Variants in RIOK3 observed in about 807,000 individuals in gnomAD.
RIOK3 encodes serine/threonine-protein kinase RIO3.
Under a neutral mutation model 63.5 loss-of-function variants are expected in RIOK3, and 40 were observed. The ratio of observed to expected loss-of-function variants is 0.63; its 90% CI spans 0.49 to 0.82. The LOEUF is 0.82. RIOK3 is among the 40% of genes least tolerant of loss of function. The pLI, the probability that RIOK3 is intolerant of heterozygous loss-of-function variation, is 0.00. For synonymous variants in RIOK3, 193 were observed against 205.0 expected (o/e 0.94, Z 0.50); for missense variants, 557 against 637.0 (o/e 0.87, Z 1.35).
intron 6 of RIOK3, among the ~76,000 whole-genome samples, 193 bp from the exon 7 acceptor site, chr18:23,467,206 C>G (rs746020275): frequency 6.6e-6 from 1 of 151,786 alleles, no homozygotes; most frequent in African/African-American, 2.4e-5. Context: ...CCCAGCTACT[C>G]GGGAGGCTGA....
chr18:23,481,369 C>T lies in RIOK3; in HGVS notation c.*90C>T, dbSNP rs1051643451. ...TTATGGGTGACTTGAAATACCAAAA[C>T]CTGAGGAGTGGGCAATGGTGCTTCT... On this transcript the variant is annotated 3_prime_UTR_variant, in exon 13 of 13. Transcript: ENST00000339486. 7 of 774,394 alleles carry T rather than the reference C, an allele frequency of 9.0e-6. No individual in the cohort carries two copies. Among genetic ancestry groups the T allele is most frequent in the African/African-American group, 1.8e-5 (1 of 55,630 alleles). 48.0% of individuals were successfully genotyped at this position (774,394 alleles called of 1,614,324 possible).
intron 7 of RIOK3, among the ~76,000 whole-genome samples, chr18:23,469,713 C>G (rs972188815): frequency 5.9e-5 from 9 of 151,846 alleles, no homozygotes; most frequent in African/African-American, 1.9e-4. Flanking sequence ...GTCTCAAATT[C>G]CTGACCTTGT....
rs1416824082 is a variant in RIOK3, at chr18:23,481,417, A to G, written c.*138A>G. 1 of 548,744 alleles carries G rather than the reference A, an allele frequency of 1.8e-6. No individual in the cohort carries two copies. Among genetic ancestry groups the G allele is most frequent in the African/African-American group, 2.0e-5 (1 of 51,060 alleles). 34.0% of individuals were successfully genotyped at this position (548,744 alleles called of 1,614,324 possible). On this transcript the variant is annotated 3_prime_UTR_variant, in exon 13 of 13. Transcript: ENST00000339486. ...TCTGTGCTTTTCCCCCTTGTAACCCATGTGCCAGATGTGTGGAATTTTTAG... is the reference window on the plus strand; with the variant it reads ...TCTGTGCTTTTCCCCCTTGTAACCCGTGTGCCAGATGTGTGGAATTTTTAG...
intron 8 of RIOK3, among the ~76,000 whole-genome samples, 162 bp from the exon 9 acceptor site, chr18:23,474,786 C>T (rs58977416): frequency 6.6e-6 from 1 of 152,294 alleles, no homozygotes; most frequent in East Asian, 1.9e-4. Flanking sequence ...TCCCTGAGCT[C>T]TCTATGGGCA....
At chr18:23,473,917 TA>T (rs968013023) in intron 8 of RIOK3, among the ~76,000 whole-genome samples, 2 of 152,152 alleles carry the variant, frequency 1.3e-5, no homozygotes, top group Non-Finnish European at 2.9e-5. Flanking sequence ...AGGCTTAGCA[TA>T]AAAAAATGGT....
intron 1 of RIOK3, 126 bp downstream of exon 1, chr18:23,453,628 A>T: frequency 1.2e-6 from 1 of 816,954 alleles, no homozygotes; most frequent in African/African-American, 1.7e-5. Context: ...GGACCTCGGC[A>T]AGGGGGCACT....
Position 23,466,241 on chromosome 18 carries a change from G to A in RIOK3, c.652G>A (p.Ala218Thr). 1 of 1,611,256 alleles carries A rather than the reference G, an allele frequency of 6.2e-7. No individual in the cohort carries two copies. Among genetic ancestry groups the A allele is most frequent in the Non-Finnish European group, 8.5e-7 (1 of 1,178,888 alleles). The change falls in exon 6 of 13, where the codon GCC (alanine) becomes ACC (threonine). Residue 218 changes from alanine (A) to threonine (T), a missense_variant. Transcript: ENST00000339486. Reference sequence around the variant, plus strand: ...TGCCTACTCAGAAGAACGTCGAAGTGCCCGCCTACATGAGAAAAAGGAGCA... The same window carrying A: ...TGCCTACTCAGAAGAACGTCGAAGTACCCGCCTACATGAGAAAAAGGAGCA... Reference protein sequence around the residue: ...QHAYSEERRSARLHEKKEHST... With the variant: ...QHAYSEERRSTRLHEKKEHST...
intron 1 of RIOK3, among the ~76,000 whole-genome samples, chr18:23,458,163 C>A (rs1313958554): frequency 6.6e-6 from 1 of 151,810 alleles, no homozygotes; most frequent in Non-Finnish European, 1.5e-5. Flanking sequence ...CCTCAGCCTC[C>A]CAAAGTGCTA....
rs777785716 is a variant in RIOK3, at chr18:23,466,302, T to C, written c.687+26T>C. 55 of 1,478,906 alleles carry C rather than the reference T, an allele frequency of 3.7e-5. No individual in the cohort carries two copies. The Middle Eastern group carries it at 1.6e-3, about 44-fold the overall frequency. The allele number at this position is 1,478,906 out of a possible 1,614,324, so 91.6% of individuals were successfully genotyped here. A position where few individuals can be genotyped will look rare whatever the true frequency, so the allele number is the denominator to read the frequency against. ...GTAAGGATTTATAGATTTTTTTTTT[T>C]CTTTTTTACTAGAAAGATTCATATT... On this transcript the variant is annotated intron_variant, in intron 6 of 12. Transcript: ENST00000339486.
chr18:23,481,363 C>A lies in RIOK3; in HGVS notation c.*84C>A. On this transcript the variant is annotated 3_prime_UTR_variant, in exon 13 of 13. Coordinates refer to ENST00000339486, the MANE Select transcript of RIOK3 (RefSeq NM_003831.5). ...ATGAAGTTATGGGTGACTTGAAATA[C>A]CAAAACCTGAGGAGTGGGCAATGGT... 1 of 835,486 alleles carries A rather than the reference C, an allele frequency of 1.2e-6. No individual in the cohort carries two copies. Among genetic ancestry groups the A allele is most frequent in the Non-Finnish European group, 1.9e-6 (1 of 535,146 alleles). 51.8% of individuals were successfully genotyped at this position (835,486 alleles called of 1,614,324 possible).
rs141264189 is a variant in RIOK3, at chr18:23,477,245, C to T, written c.1321C>T (p.Arg441Trp). The T allele has an allele frequency of 1.8e-4, 288 of 1,613,828 alleles. No individual in the cohort carries two copies. The highest frequency in any genetic ancestry group is 2.3e-4 in the Non-Finnish European group (275 of 1,179,914). ...THPHGLEFLFRDCRNVSQFFQ... is the reference protein window; with the variant it reads ...THPHGLEFLFWDCRNVSQFFQ... ...CCCTCACGGCCTGGAGTTCTTGTTC[C>T]GGGACTGCAGGAATGTCTCGCAGGT... Residue 441 changes from arginine to tryptophan, a missense_variant, in exon 11 of 13, where the codon CGG becomes TGG. By Grantham distance (101) the Arg-to-Trp change is moderately radical (BLOSUM62 -3). Around this residue, in one of 3 missense-constraint regions of RIOK3, gnomAD observed 309 missense variants for 338.7 expected, o/e 0.91. Coordinates refer to ENST00000339486, the MANE Select transcript of RIOK3 (RefSeq NM_003831.5).
intron 11 of RIOK3, among the ~76,000 whole-genome samples, chr18:23,478,780 G>A (rs1175251447): frequency 6.6e-6 from 1 of 151,952 alleles, no homozygotes; most frequent in African/African-American, 2.4e-5. Context: ...CTTCATATTG[G>A]AAATAACCTC....
chr18:23,464,080 G>A lies in RIOK3; in HGVS notation c.293G>A (p.Arg98His), dbSNP rs199843431. 9.3e-6 allele frequency: 15 copies of A among 1,611,976 alleles called. No homozygotes were observed. In the African/African-American group the frequency reaches 1.1e-4, roughly 11 times the overall value. The change falls in exon 3 of 13, where the codon CGT (arginine) becomes CAT (histidine). Residue 98 changes from arginine to histidine, a missense_variant. Physicochemically the swap from Arg to His is conservative, Grantham distance 29. Coordinates refer to ENST00000339486, the MANE Select transcript of RIOK3 (RefSeq NM_003831.5). ...AGAGAATATGATGCACAGCTTAGGC[G>A]TGAAGAAAAAAAATTCAATGGAGAT... Reference protein sequence around the residue: ...YDREYDAQLRREEKKFNGDSK... With the variant: ...YDREYDAQLRHEEKKFNGDSK...
At chr18:23,464,352 G>C (rs774388363) in intron 4 of RIOK3, 39 bp downstream of exon 4, 1 of 1,393,090 alleles carries the variant, frequency 7.2e-7, no homozygotes, top group East Asian at 2.3e-5. Context: ...GCAGAATAGA[G>C]GTATAGGAAG....
At chr18:23,474,238 C>T (rs1291669921) in intron 8 of RIOK3, among the ~76,000 whole-genome samples, 1 of 151,822 alleles carries the variant, frequency 6.6e-6, no homozygotes, top group Non-Finnish European at 1.5e-5. Flanking sequence ...TGAGAGTTCC[C>T]CACCAAAATA....
intron 1 of RIOK3, among the ~76,000 whole-genome samples, chr18:23,459,480 T>G (rs753604954): frequency 3.3e-5 from 5 of 152,216 alleles, no homozygotes; most frequent in Non-Finnish European, 5.9e-5. Flanking sequence ...GCATGAACCC[T>G]AATACAGTGA....
At chr18:23,476,142 A>T (rs769620026) in intron 9 of RIOK3, among the ~76,000 whole-genome samples, 2 of 152,062 alleles carry the variant, frequency 1.3e-5, no homozygotes, top group Non-Finnish European at 2.9e-5. Flanking sequence ...GTCTCATCAT[A>T]AGAGAGTGAT....
rs140271614 is a variant in RIOK3, at chr18:23,469,770, G to A, written c.815+2244G>A. Among the ~76,000 whole-genome samples the A allele has an allele frequency of 4.1e-3, 620 of 152,250 alleles. 1 individual carries two copies. Among genetic ancestry groups the A allele is most frequent in the South Asian group, 6.8e-3 (33 of 4,826 alleles). On this transcript the variant is annotated intron_variant, in intron 7 of 12. Coordinates refer to ENST00000339486, the MANE Select transcript of RIOK3 (RefSeq NM_003831.5). ...CAAAGTGCTGGGATTACAGGCGTGGGCCACTGTGCCTGGGTCAAAGCTCTG... is the reference window on the plus strand; with the variant it reads ...CAAAGTGCTGGGATTACAGGCGTGGACCACTGTGCCTGGGTCAAAGCTCTG...
chr18:23,458,410 A>G (rs1348418855), intron 1 of RIOK3, among the ~76,000 whole-genome samples: 1 of 152,114 alleles, frequency 6.6e-6, no homozygotes, highest in Non-Finnish European at 1.5e-5. Context: ...GCAGTTTTGC[A>G]AAGGAGAGGA....
Sources: allele counts gnomAD v4.1 joint callset (sites outside exome capture counted in the v4.1 genomes callset), GRCh38; gene constraint gnomAD v4.1.1; regional missense constraint gnomAD v4.1.1; transcripts MANE v1.5; gene names NCBI Gene and HGNC (gene_info 2026-07-23, HGNC 2026-07-21).